NLK: variants seen among roughly 807,000 people sequenced by gnomAD.
NLK encodes nemo like kinase, also known as serine/threonine-protein kinase NLK.
NLK carries 11 observed loss-of-function variants against 59.0 expected under a neutral mutation model. The ratio of observed to expected loss-of-function variants is 0.19; its 90% CI spans 0.12 to 0.31. NLK has a LOEUF of 0.31. Ranked by LOEUF, NLK falls within the 10% of genes least tolerant of loss-of-function variation. The pLI is 1.00. For synonymous variants in NLK, 235 were observed against 235.9 expected (o/e 1.00, Z 0.03); for missense variants, 410 against 661.1 (o/e 0.62, Z 4.16).
intron 1 of NLK, among the ~76,000 whole-genome samples, chr17:28,055,732 T>C (rs1232081879): frequency 6.6e-6 from 1 of 152,234 alleles, no homozygotes; most frequent in Non-Finnish European, 1.5e-5. Context: ...CAATTATTAT[T>C]ACTGGTTTCA....
At chr17:28,075,833 C>T (rs1317717115) in intron 1 of NLK, among the ~76,000 whole-genome samples, 3 of 152,050 alleles carry the variant, frequency 2.0e-5, no homozygotes, top group Non-Finnish European at 2.9e-5. Flanking sequence ...CTTCCCGCAC[C>T]CTTTAATCTT....
chr17:28,085,750 AAG>A (rs1910492987), intron 1 of NLK, among the ~76,000 whole-genome samples: 1 of 152,130 alleles, frequency 6.6e-6, no homozygotes, highest in African/African-American at 2.4e-5. Context: ...CAAGAAAAAA[AAG>A]AAAAAAGTAG....
intron 1 of NLK, among the ~76,000 whole-genome samples, chr17:28,078,689 T>G (rs1910246782): frequency 6.6e-6 from 1 of 152,218 alleles, no homozygotes; most frequent in South Asian, 2.1e-4. Flanking sequence ...GTGTGCCTAG[T>G]ACAGTGCCAG....
intron 1 of NLK, among the ~76,000 whole-genome samples, chr17:28,090,144 T>A (rs1904435648): frequency 1.3e-5 from 2 of 152,244 alleles, no homozygotes; most frequent in South Asian, 4.1e-4. Context: ...TGATTGGCTT[T>A]AAGTATATGG....
chr17:28,043,069 C>A lies in NLK; in HGVS notation c.196C>A (p.Gln66Lys). ...GSAAAVHPVQQHTSSAAAAAA... is the reference protein window; with the variant it reads ...GSAAAVHPVQKHTSSAAAAAA... ...GGCTGCCGCTGTACACCCTGTACAG[C>A]AGCACACCTCTTCGGCAGCTGCGGC... Residue 66 changes from glutamine to lysine, a missense_variant, in exon 1 of 11, where the codon CAG becomes AAG. This residue lies in a region of NLK where 160 missense variants were observed against 171.0 expected (regional missense o/e 0.94). Transcript: ENST00000407008. 6.4e-7 allele frequency: 1 copy of A among 1,567,440 alleles called. No individual in the cohort carries two copies. Among genetic ancestry groups the A allele is most frequent in the Non-Finnish European group, 8.7e-7 (1 of 1,155,444 alleles).
At chr17:28,156,253 C>A (rs1907712218) in intron 3 of NLK, among the ~76,000 whole-genome samples, 1 of 151,956 alleles carries the variant, frequency 6.6e-6, no homozygotes. Context: ...TTCCTCTATT[C>A]TTTTTTATTG....
At chr17:28,132,075 T>C (rs1906541478) in intron 2 of NLK, among the ~76,000 whole-genome samples, 1 of 152,200 alleles carries the variant, frequency 6.6e-6, no homozygotes, top group Non-Finnish European at 1.5e-5. Flanking sequence ...AGTGTTACTT[T>C]AGGGAAGCTT....
intron 1 of NLK, among the ~76,000 whole-genome samples, chr17:28,066,026 A>G (rs539766596): frequency 1.1e-4 from 17 of 152,220 alleles, no homozygotes; most frequent in Non-Finnish European, 2.4e-4. Flanking sequence ...TGTTACACCC[A>G]CAGACGAAGT....
At chr17:28,077,703 C>T (rs1184110549) in intron 1 of NLK, among the ~76,000 whole-genome samples, 1 of 152,156 alleles carries the variant, frequency 6.6e-6, no homozygotes, top group Non-Finnish European at 1.5e-5. Flanking sequence ...TTATATTAAA[C>T]TTTGCATTAA....
chr17:28,102,255 A>C (rs1320806476), intron 1 of NLK, among the ~76,000 whole-genome samples: 1 of 152,166 alleles, frequency 6.6e-6, no homozygotes, highest in Non-Finnish European at 1.5e-5. Context: ...TATTTTTATT[A>C]AGATAGAAAA....
chr17:28,064,174 CTTTTTTT>C (rs66949112), intron 1 of NLK, among the ~76,000 whole-genome samples: 1 of 99,608 alleles, frequency 1.0e-5, no homozygotes, highest in Non-Finnish European at 1.9e-5. Context: ...AGTTAGCAAA[CTTTTTTT>C]TTTTTTTTTT....
intron 1 of NLK, among the ~76,000 whole-genome samples, chr17:28,091,312 G>A (rs1048537951): frequency 2.0e-5 from 3 of 152,010 alleles, no homozygotes; most frequent in African/African-American, 7.2e-5. Context: ...TGGTAAACTG[G>A]GACAGATTCA....
intron 1 of NLK, among the ~76,000 whole-genome samples, chr17:28,066,046 G>A (rs1353786204): frequency 1.3e-5 from 2 of 152,104 alleles, no homozygotes; most frequent in Non-Finnish European, 2.9e-5. Flanking sequence ...TTATGTCAAC[G>A]TAGCTTTCCT....
chr17:28,163,069 C>T (rs1009443102), intron 4 of NLK, among the ~76,000 whole-genome samples: 3 of 152,140 alleles, frequency 2.0e-5, no homozygotes, highest in African/African-American at 2.4e-5. Flanking sequence ...TGATTCTGAG[C>T]GGTAAAGAAT....
intron 1 of NLK, among the ~76,000 whole-genome samples, chr17:28,072,999 A>AT (rs915467248): frequency 5.3e-5 from 8 of 150,020 alleles, no homozygotes; most frequent in Admixed American, 2.7e-4. Context: ...ATTTTTTGTG[A>AT]TTTTTTTGAA....
At chr17:28,072,323 T>C (rs1910032120) in intron 1 of NLK, among the ~76,000 whole-genome samples, 2 of 150,786 alleles carry the variant, frequency 1.3e-5, no homozygotes, top group South Asian at 4.2e-4. Flanking sequence ...TTCTTCTTCT[T>C]TTTCTTTTTT....
intron 1 of NLK, among the ~76,000 whole-genome samples, chr17:28,101,168 A>T (rs1904888830): frequency 6.6e-6 from 1 of 152,186 alleles, no homozygotes; most frequent in Non-Finnish European, 1.5e-5. Context: ...GTACCACCAC[A>T]TATTGATTTC....
At chr17:28,201,952 G>A in the NLK span, among the ~76,000 whole-genome samples, 2 of 152,130 alleles carry the variant, frequency 1.3e-5, no homozygotes, top group Non-Finnish European at 2.9e-5. Context: ...GGAGGCAGAA[G>A]TTGCAGTGAG....
chr17:28,043,251 T>G lies in NLK; in HGVS notation c.378T>G (p.His126Gln), dbSNP rs112291766. The change falls in exon 1 of 11, where the codon CAT becomes CAG. Residue 126 changes from histidine (H) to glutamine (Q), a missense_variant. Around this residue, in one of 5 missense-constraint regions of NLK, gnomAD observed 73 missense variants for 197.2 expected, o/e 0.37. Transcript: ENST00000407008. ...AAAATVKAHH[H>Q]QHSHHPQQQL... ...CTGCTACAGTTAAGGCGCACCATCA[T>G]CAGCACTCGCATCATCCACAGCAGC... is the stretch of plus-strand genomic sequence containing the variant. 6.2e-7 allele frequency: 1 copy of G among 1,613,796 alleles called. No homozygotes were observed. Among genetic ancestry groups the G allele is most frequent in the East Asian group, 2.2e-5 (1 of 44,866 alleles).
Sources: gnomAD v4.1 joint callset for allele counts (sites outside exome capture counted in the v4.1 genomes callset) on GRCh38, gnomAD v4.1.1 for gene constraint, gnomAD v4.1.1 regional missense constraint, MANE v1.5 for transcripts, NCBI Gene and HGNC (gene_info 2026-07-23, HGNC 2026-07-21) for gene names.